The following SEC11A variants were observed in gnomAD, a reference collection of about 807,000 sequenced individuals.
SEC11A encodes the protein SEC11 homolog A, signal peptidase complex subunit, also known as signal peptidase complex catalytic subunit SEC11A.
In SEC11A, 14 loss-of-function variants were observed where a neutral mutation model predicts 25.6. That is an observed-to-expected ratio of 0.55 (90% CI 0.36 to 0.85). The LOEUF is 0.85. Among genes scored for constraint, SEC11A ranks in the 40% least tolerant of loss-of-function variants. The probability of loss-of-function intolerance (pLI) is 0.01; values close to 1 mark genes in which losing one functional copy is unlikely to be tolerated. For synonymous variants in SEC11A, 83 were observed against 76.4 expected (o/e 1.09, Z -0.45); for missense variants, 153 against 222.9 (o/e 0.69, Z 2.00).
At chr15:84,714,659 T>C (rs2141934834) in intron 1 of SEC11A, 1 of 152,374 alleles carries the variant, frequency 6.6e-6, no homozygotes, top group Non-Finnish European at 1.5e-5. Context: ...GTCCATATTC[T>C]TAACTTCTAT....
chr15:84,683,835 T>C (rs1321397634), intron 3 of SEC11A, among the ~76,000 whole-genome samples: 2 of 152,194 alleles, frequency 1.3e-5, no homozygotes, highest in African/African-American at 2.4e-5. Flanking sequence ...TTACTAGACC[T>C]ATTAAGTCCT....
At chr15:84,677,598 G>T (rs1897171787) in intron 4 of SEC11A, among the ~76,000 whole-genome samples, 1 of 151,464 alleles carries the variant, frequency 6.6e-6, no homozygotes, top group South Asian at 2.1e-4. Flanking sequence ...TCAGCCTCCA[G>T]AGTCACTGGG....
chr15:84,696,636 C>A (rs192677309), intron 1 of SEC11A, among the ~76,000 whole-genome samples: 1 of 152,232 alleles, frequency 6.6e-6, no homozygotes, highest in Admixed American at 6.5e-5. Flanking sequence ...AAAGGTAATA[C>A]TTGCATGTAC....
At chr15:84,712,449 CTTTTTTT>C (rs150374364) in intron 1 of SEC11A, among the ~76,000 whole-genome samples, 2 of 130,254 alleles carry the variant, frequency 1.5e-5, no homozygotes, top group African/African-American at 5.9e-5. Context: ...TCTTTTTTTT[CTTTTTTT>C]TTTTTTTTTG....
chr15:84,704,038 T>G (rs1346556804), intron 1 of SEC11A, among the ~76,000 whole-genome samples: 1 of 152,162 alleles, frequency 6.6e-6, no homozygotes, highest in African/African-American at 2.4e-5. Context: ...TATTAGGTTC[T>G]AGCCAACACT....
rs768192602 is a variant in SEC11A, at chr15:84,670,016, T to C, written c.*3A>G. On this transcript the variant is annotated 3_prime_UTR_variant, in exon 6 of 6. Coordinates refer to ENST00000268220, the MANE Select transcript of SEC11A (RefSeq NM_014300.4). ...TCTTCCCAGGAACAGCAAGGCAGGC[T>C]TCTTACTCACGATGAACCAGCACGA... 6.2e-7 allele frequency: 1 copy of C among 1,613,634 alleles called. No homozygotes were observed. The highest frequency in any genetic ancestry group is 1.1e-5 in the South Asian group (1 of 90,988).
At chr15:84,683,223 AG>A in intron 3 of SEC11A, among the ~76,000 whole-genome samples, 1 of 152,332 alleles carries the variant, frequency 6.6e-6, no homozygotes, top group South Asian at 2.1e-4. Flanking sequence ...AACAGCAGGA[AG>A]GAAAACTGAA....
chr15:84,675,548 T>G (rs1040492260), intron 4 of SEC11A, among the ~76,000 whole-genome samples: 6 of 152,232 alleles, frequency 3.9e-5, no homozygotes, highest in African/African-American at 9.6e-5. Flanking sequence ...AATGACTTGT[T>G]TCAAGTAAGA....
At chr15:84,671,326 T>C (rs1365085398) in intron 4 of SEC11A, 1 of 152,260 alleles carries the variant, frequency 6.6e-6, no homozygotes, top group African/African-American at 2.4e-5. Flanking sequence ...CATCACCATA[T>C]GTAGCAAACC....
At chr15:84,713,205 A>C (rs1375301420) in intron 1 of SEC11A, among the ~76,000 whole-genome samples, 2 of 152,070 alleles carry the variant, frequency 1.3e-5, no homozygotes, top group East Asian at 3.9e-4. Context: ...AAAAAAAAAA[A>C]AAAACACTTA....
chr15:84,713,365 T>C (rs1441163383), intron 1 of SEC11A, among the ~76,000 whole-genome samples: 1 of 152,066 alleles, frequency 6.6e-6, no homozygotes, highest in East Asian at 1.9e-4. Flanking sequence ...GTTATGCAAA[T>C]AATAGCAACT....
chr15:84,715,782 G>A (rs1221598333), intron 1 of SEC11A, among the ~76,000 whole-genome samples: 1 of 152,226 alleles, frequency 6.6e-6, no homozygotes, highest in East Asian at 1.9e-4. Flanking sequence ...GCCTCAGTGG[G>A]AGGAATGGAA....
chr15:84,713,830 T>C (rs1898368029), intron 1 of SEC11A, among the ~76,000 whole-genome samples: 1 of 152,304 alleles, frequency 6.6e-6, no homozygotes, highest in Middle Eastern at 3.4e-3. Context: ...AGGTTAAAGA[T>C]GAAGCTATTA....
In SEC11A at chr15:84,669,822, C is replaced by A; in HGVS notation, c.*197G>T. 2 of 734,996 alleles carry A rather than the reference C, an allele frequency of 2.7e-6. No individual in the cohort carries two copies. The highest frequency in any genetic ancestry group is 3.2e-5 in the East Asian group (1 of 31,530). 45.5% of individuals were successfully genotyped at this position (734,996 alleles called of 1,614,324 possible). ...TTATGAAATCCTGTGACTGAAAGTC[C>A]CCTCGAGTGCACTCTGTGGTGCACA... is the stretch of plus-strand genomic sequence containing the variant. On this transcript the variant is annotated 3_prime_UTR_variant, in exon 6 of 6. Transcript: ENST00000268220.
In SEC11A at chr15:84,700,593, C is replaced by CAAAAAAA. The variant is rs776113920; in HGVS notation, c.52-8956_52-8950dup. 4.7e-4 allele frequency among the ~76,000 whole-genome samples: 17 copies of CAAAAAAA among 36,102 alleles called. 3 individuals carry two copies. Among genetic ancestry groups the CAAAAAAA allele is most frequent in the Admixed American group, 5.7e-4 (1 of 1,748 alleles). 23.7% of individuals were successfully genotyped at this position (36,102 alleles called of 152,430 possible). ...TGGGTGACAGAGGAAGACTCTGTCTCAAAAAAAAAAAAAAAAAAAAAAAAA... is the reference window on the plus strand; with the variant it reads ...TGGGTGACAGAGGAAGACTCTGTCTCAAAAAAAAAAAAAAAAAAAAAAAAAAAAAAAA... On this transcript the variant is annotated intron_variant, in intron 1 of 5. Coordinates refer to ENST00000268220, the MANE Select transcript of SEC11A (RefSeq NM_014300.4).
chr15:84,670,660 T>G (rs113664362), intron 5 of SEC11A, 65 bp downstream of exon 5: 46,148 of 801,858 alleles, frequency 0.058, 1,653 homozygotes, highest in African/African-American at 0.1. Flanking sequence ...GATTACAGGC[T>G]TGAGCCACTG....
At chr15:84,707,122 G>A (rs1898117441) in intron 1 of SEC11A, among the ~76,000 whole-genome samples, 1 of 151,634 alleles carries the variant, frequency 6.6e-6, no homozygotes, top group African/African-American at 2.4e-5. Flanking sequence ...ACATTCCTCT[G>A]GGTCTCTAAC....
chr15:84,671,251 C>T lies in SEC11A; in HGVS notation c.432-469G>A, dbSNP rs1653967552. Reference sequence around the variant, plus strand: ...AGTACTTAGGATTTCACCACCTTCTCATTTTTTAATCACCTGTAAGCTGTG... The same window carrying T: ...AGTACTTAGGATTTCACCACCTTCTTATTTTTTAATCACCTGTAAGCTGTG... On this transcript the variant is annotated intron_variant, in intron 4 of 5. Coordinates refer to ENST00000268220, the MANE Select transcript of SEC11A (RefSeq NM_014300.4). 6 of 152,466 alleles carry T rather than the reference C, an allele frequency of 3.9e-5. No homozygotes were observed. The Middle Eastern group carries it at 0.017, about 432-fold the overall frequency. The allele number at this position is 152,466 out of a possible 1,614,324, so 9.4% of individuals were successfully genotyped here.
At chr15:84,712,397 A>G (rs909315310) in intron 1 of SEC11A, among the ~76,000 whole-genome samples, 3 of 152,062 alleles carry the variant, frequency 2.0e-5, no homozygotes, top group African/African-American at 7.2e-5. Flanking sequence ...AGCCATTCTG[A>G]AAGTGTTTTA....
Sources: allele counts gnomAD v4.1 joint callset (sites outside exome capture counted in the v4.1 genomes callset), GRCh38; gene constraint gnomAD v4.1.1; transcripts MANE v1.5; gene names NCBI Gene and HGNC (gene_info 2026-07-23, HGNC 2026-07-21).